Variants in DLGAP2 observed in about 807,000 individuals in gnomAD.
DLGAP2 encodes the protein disks large-associated protein 2.
Under a neutral mutation model 100.3 loss-of-function variants are expected in DLGAP2, and 26 were observed. The ratio of observed to expected loss-of-function variants is 0.26; its 90% confidence interval spans 0.19 to 0.36. The LOEUF is 0.36. Ranked by LOEUF, DLGAP2 falls within the 10% of genes least tolerant of loss-of-function variation. The pLI, the probability that DLGAP2 is intolerant of heterozygous loss-of-function variation, is 1.00. For synonymous variants in DLGAP2, 886 were observed against 630.1 expected, an observed-to-expected ratio of 1.41 and a Z score of -6.08; for missense variants, 1,858 against 1,453.2, an observed-to-expected ratio of 1.28 and a Z score of -4.53.
intron 3 of DLGAP2, among the ~76,000 whole-genome samples, chr8:1,313,281 A>G (rs149535591): frequency 0.018 from 2,707 of 152,366 alleles, 31 homozygotes; most frequent in South Asian, 0.032. Flanking sequence ...CATGCGTTGC[A>G]TTATATATAT....
At chr8:1,228,402 A>G (rs918699910) in intron 2 of DLGAP2, among the ~76,000 whole-genome samples, 2 of 152,162 alleles carry the variant, frequency 1.3e-5, no homozygotes, top group Non-Finnish European at 2.9e-5. Context: ...ATTAATAACA[A>G]TCTTACATAT....
chr8:796,008 GTCCAGTGAGAGCAGGCA>G (rs1281925314), intron 1 of DLGAP2, among the ~76,000 whole-genome samples: 33 of 143,078 alleles, frequency 2.3e-4, no homozygotes, highest in East Asian at 8.3e-4. Flanking sequence ...GAGAGCAGGC[GTCCAGTGAGAGCAGGCA>G]TCCAGTGAGA....
intron 2 of DLGAP2, among the ~76,000 whole-genome samples, chr8:1,177,835 A>G (rs1421453298): frequency 6.6e-6 from 1 of 152,154 alleles, no homozygotes; most frequent in Admixed American, 6.5e-5. Flanking sequence ...TTACCTCATC[A>G]TCTCCCAAGG....
At chr8:1,043,569 C>T (rs1478152734) in intron 2 of DLGAP2, among the ~76,000 whole-genome samples, 1 of 151,886 alleles carries the variant, frequency 6.6e-6, no homozygotes, top group Non-Finnish European at 1.5e-5. Flanking sequence ...TGAGAGACCC[C>T]TGTGACAGTG....
intron 1 of DLGAP2, among the ~76,000 whole-genome samples, chr8:864,599 T>G (rs961475501): frequency 7.2e-5 from 11 of 152,190 alleles, no homozygotes; most frequent in African/African-American, 2.7e-4. Context: ...GATACGATAT[T>G]TTAATTCACT....
intron 6 of DLGAP2, among the ~76,000 whole-genome samples, chr8:1,571,912 G>A (rs79617301): frequency 7.3e-6 from 1 of 137,844 alleles, no homozygotes; most frequent in African/African-American, 2.9e-5. Flanking sequence ...AGAGGAGAGA[G>A]GGTAAACTGT....
intron 2 of DLGAP2, among the ~76,000 whole-genome samples, chr8:1,131,361 C>T (rs888499441): frequency 2.0e-5 from 3 of 152,132 alleles, no homozygotes; most frequent in African/African-American, 4.8e-5. Flanking sequence ...ATCCACGTGC[C>T]GGCAGGTGGG....
At chr8:943,941 G>C (rs753736410) in intron 2 of DLGAP2, among the ~76,000 whole-genome samples, 1 of 152,252 alleles carries the variant, frequency 6.6e-6, no homozygotes, top group Non-Finnish European at 1.5e-5. Flanking sequence ...GAATCTGTCA[G>C]TGTTGAAGAT....
chr8:935,382 C>T (rs1022941043), intron 2 of DLGAP2, among the ~76,000 whole-genome samples: 46 of 152,192 alleles, frequency 3.0e-4, no homozygotes, highest in African/African-American at 1.1e-3. Flanking sequence ...AAGCATTTTA[C>T]ATGCTGGATT....
intron 6 of DLGAP2, among the ~76,000 whole-genome samples, chr8:1,616,691 A>G (rs928564578): frequency 6.6e-6 from 1 of 152,232 alleles, no homozygotes; most frequent in African/African-American, 2.4e-5. Context: ...AACAGAAGCT[A>G]AGGAATCTAT....
At chr8:1,081,480 TAG>T (rs1803809732) in intron 2 of DLGAP2, among the ~76,000 whole-genome samples, 2 of 152,122 alleles carry the variant, frequency 1.3e-5, no homozygotes, top group African/African-American at 4.8e-5. Context: ...GCCTCCCTAG[TAG>T]CTGGGATTAC....
At chr8:805,601 G>A (rs35105773) in intron 1 of DLGAP2, among the ~76,000 whole-genome samples, 37,665 of 152,010 alleles carry the variant, frequency 0.25, 5,809 homozygotes, top group African/African-American at 0.43. Flanking sequence ...AAAAGTATCC[G>A]TCCTATAATT....
rs1400086523 is a variant in DLGAP2 at position 1,644,779 on chromosome 8, A to G, written c.1810+11733A>G. 7.2e-5 allele frequency among the ~76,000 whole-genome samples: 11 copies of G among 152,382 alleles called. No homozygotes were observed. The East Asian group carries it at 2.1e-3, about 29-fold the overall frequency. On this transcript the variant is annotated intron_variant, in intron 8 of 14. Coordinates refer to ENST00000637795, the MANE Select transcript of DLGAP2 (RefSeq NM_001346810.2). The stretch of plus-strand genomic sequence containing the variant: ...TATGCCATTACATTGTCTCAGGAAT[A>G]TATTTAAAATGTATTGACACCATGG...
intron 4 of DLGAP2, among the ~76,000 whole-genome samples, chr8:1,520,098 C>G (rs1424119844): frequency 3.3e-5 from 5 of 152,200 alleles, no homozygotes; most frequent in African/African-American, 1.2e-4. Context: ...GGCACGCTGT[C>G]CCCATCTCTG....
chr8:1,465,641 T>A (rs942108149), intron 3 of DLGAP2, among the ~76,000 whole-genome samples: 1 of 152,208 alleles, frequency 6.6e-6, no homozygotes, highest in African/African-American at 2.4e-5. Context: ...CCGATCCCAG[T>A]GCTAGGGCGT....
At chr8:912,188 G>C (rs4735828) in intron 2 of DLGAP2, among the ~76,000 whole-genome samples, 70,913 of 151,998 alleles carry the variant, frequency 0.47, 17,410 homozygotes, top group Admixed American at 0.6. Flanking sequence ...TTGATAATAA[G>C]AAGTGAATAA....
chr8:1,477,963 G>A (rs1030755680), intron 3 of DLGAP2, among the ~76,000 whole-genome samples: 3 of 152,232 alleles, frequency 2.0e-5, no homozygotes, highest in Middle Eastern at 3.4e-3. Context: ...TGGGAGGCAG[G>A]GGATTATCTG....
chr8:1,420,597 C>T lies in DLGAP2; in HGVS notation c.107-80769C>T, dbSNP rs115161076. Among the ~76,000 whole-genome samples, 1,112 of 152,324 alleles carry T rather than the reference C, an allele frequency of 7.3e-3. 12 individuals are homozygous for T. Among genetic ancestry groups the T allele is most frequent in the African/African-American group, 0.025 (1,039 of 41,560 alleles). ...TAAAAATATGATCTTCTATGTTGAG[C>T]ATCAATGTCAAAGCCTGTGGGTCAA... On this transcript the variant is annotated intron_variant, in intron 3 of 14. Coordinates refer to ENST00000637795, the MANE Select transcript of DLGAP2 (RefSeq NM_001346810.2).
chr8:1,279,426 A>C (rs57520666), intron 3 of DLGAP2, among the ~76,000 whole-genome samples: 1 of 152,214 alleles, frequency 6.6e-6, no homozygotes, highest in Non-Finnish European at 1.5e-5. Context: ...TGAAAGTTAG[A>C]TGTGTTCAAA....
Sources: gnomAD v4.1 joint callset for allele counts (sites outside exome capture counted in the v4.1 genomes callset) on GRCh38, gnomAD v4.1.1 for gene constraint, MANE v1.5 for transcripts, NCBI Gene and HGNC (gene_info 2026-07-23, HGNC 2026-07-21) for gene names.